The following DDHD1 variants were observed in gnomAD, a reference collection of about 807,000 sequenced individuals.
DDHD1 encodes DDHD domain containing 1, also known as phospholipase DDHD1.
DDHD1 carries 49 observed loss-of-function variants against 96.4 expected under a neutral mutation model. The observed-to-expected ratio is 0.51, with a 90% CI of 0.40 to 0.64. The LOEUF (loss-of-function observed/expected upper bound fraction) is 0.64, where lower values mean the gene tolerates loss of function less well. Ranked by LOEUF, DDHD1 falls within the 30% of genes least tolerant of loss-of-function variation. The pLI, the probability that DDHD1 is intolerant of heterozygous loss-of-function variation, is 0.00. For synonymous variants in DDHD1, 442 were observed against 446.5 expected, an observed-to-expected ratio of 0.99 and a Z score of 0.13; for missense variants, 1,106 against 1,161.2, an observed-to-expected ratio of 0.95 and a Z score of 0.69.
intron 7 of DDHD1, 106 bp from the exon 8 acceptor site, chr14:53,061,307 T>C: frequency 1.2e-6 from 1 of 803,326 alleles, no homozygotes; most frequent in Non-Finnish European, 1.9e-6. Flanking sequence ...TGGCCCACTA[T>C]CCCTCACATT....
chr14:53,097,713 GA>G (rs1338285108), intron 2 of DDHD1, among the ~76,000 whole-genome samples: 1 of 151,862 alleles, frequency 6.6e-6, no homozygotes, highest in Non-Finnish European at 1.5e-5. Context: ...AACGAAATGG[GA>G]AATGTATGGA....
At chr14:53,136,724 T>C (rs966257342) in intron 1 of DDHD1, among the ~76,000 whole-genome samples, 1 of 152,178 alleles carries the variant, frequency 6.6e-6, no homozygotes, top group Non-Finnish European at 1.5e-5. Flanking sequence ...AGGTAATGCC[T>C]CAGTAGTGGA....
Position 53,040,592 on chromosome 14 carries a change from G to C in DDHD1, c.*6176C>G. 6.6e-6 allele frequency: 1 copy of C among 152,164 alleles called. No individual in the cohort carries two copies. Among genetic ancestry groups the C allele is most frequent in the East Asian group, 1.9e-4 (1 of 5,176 alleles). 9.4% of individuals were successfully genotyped at this position (152,164 alleles called of 1,614,324 possible). On this transcript the variant is annotated 3_prime_UTR_variant, in exon 13 of 13. Coordinates refer to ENST00000673822, the MANE Select transcript of DDHD1 (RefSeq NM_001160148.2). ...GAAATTATTAAATGTGCATGCACCA[G>C]TTCCAGCTGAGAAAATCAGAACTGG...
At chr14:53,096,012 T>A in intron 2 of DDHD1, 2 of 443,344 alleles carry the variant, frequency 4.5e-6, no homozygotes, top group Non-Finnish European at 6.0e-6. Context: ...ACTAATACAA[T>A]GGACACATTT....
Position 53,047,045 on chromosome 14 carries a change from A to T in DDHD1, c.2522-96T>A, listed in dbSNP as rs998946938. ...GTTGAGAGTAAAAATTTAGCTAAATAGAAGTGATTCTGTCACTTTTTTAAG... is the reference window on the plus strand; with the variant it reads ...GTTGAGAGTAAAAATTTAGCTAAATTGAAGTGATTCTGTCACTTTTTTAAG... On this transcript the variant is annotated intron_variant, in intron 12 of 12. Coordinates refer to ENST00000673822, the MANE Select transcript of DDHD1 (RefSeq NM_001160148.2). 19 of 953,030 alleles carry T rather than the reference A, an allele frequency of 2.0e-5. 1 individual carries two copies. In the Admixed American group the frequency reaches 6.8e-4, roughly 34 times the overall value. The allele number at this position is 953,030 out of a possible 1,614,324, so 59.0% of individuals were successfully genotyped here. A position where few individuals can be genotyped will look rare whatever the true frequency, so the allele number is the denominator to read the frequency against.
chr14:53,095,791 A>G lies in DDHD1; in HGVS notation c.1013-2347T>C, dbSNP rs146836411. 5.7e-4 allele frequency among the ~76,000 whole-genome samples: 87 copies of G among 152,292 alleles called. 1 individual carries two copies. The highest frequency in any genetic ancestry group is 1.9e-3 in the African/African-American group (80 of 41,596). On this transcript the variant is annotated intron_variant, in intron 2 of 12. Transcript: ENST00000673822. ...GTTTCTAAACCACATTTTTGTTAAA[A>G]TAGTTGTGAGCAACAGATGCTTAAA...
At chr14:53,082,035 C>T (rs1188830492) in intron 4 of DDHD1, among the ~76,000 whole-genome samples, 1 of 152,086 alleles carries the variant, frequency 6.6e-6, no homozygotes, top group East Asian at 1.9e-4. Context: ...TCTTAAATAT[C>T]TCATAAGAAC....
At chr14:53,148,498 AGACAGG>A (rs1202164988) in intron 1 of DDHD1, among the ~76,000 whole-genome samples, 84 of 152,156 alleles carry the variant, frequency 5.5e-4, no homozygotes, top group African/African-American at 2.0e-3. Context: ...CTTTTAGGAG[AGACAGG>A]GTTTCACCAT....
In DDHD1 at chr14:53,097,237, A is replaced by G. The variant is rs1056449485; in HGVS notation, c.1013-3793T>C. ...TACAAAAATATTTAATTCCTGTTTT[A>G]TAATACTAGAAATGTAACAAATCTG... On this transcript the variant is annotated intron_variant, in intron 2 of 12. Coordinates refer to ENST00000673822, the MANE Select transcript of DDHD1 (RefSeq NM_001160148.2). Among the ~76,000 whole-genome samples, 6 of 152,032 alleles carry G rather than the reference A, an allele frequency of 3.9e-5. No homozygotes were observed. In the South Asian group the frequency reaches 1.0e-3, roughly 26 times the overall value.
intron 12 of DDHD1, among the ~76,000 whole-genome samples, chr14:53,049,777 G>T (rs181871721): frequency 1.4e-4 from 21 of 151,962 alleles, no homozygotes; most frequent in African/African-American, 5.1e-4. Flanking sequence ...AACAGTTGAA[G>T]AGAAGTAAAA....
intron 1 of DDHD1, among the ~76,000 whole-genome samples, chr14:53,117,873 T>A (rs1888673104): frequency 6.6e-6 from 1 of 152,156 alleles, no homozygotes; most frequent in Non-Finnish European, 1.5e-5. Context: ...CTGACCCCTG[T>A]GTTGCCTGAC....
At chr14:53,071,699 C>T (rs192887219) in intron 6 of DDHD1, among the ~76,000 whole-genome samples, 3 of 152,162 alleles carry the variant, frequency 2.0e-5, no homozygotes, top group African/African-American at 7.2e-5. Context: ...TGTCTCCCTG[C>T]TAATGAAGGG....
In DDHD1 at chr14:53,054,511, A is replaced by G; in HGVS notation, c.2364T>C (p.Val788=). 1 of 1,614,142 alleles carries G rather than the reference A, an allele frequency of 6.2e-7. No individual in the cohort carries two copies. The highest frequency in any genetic ancestry group is 8.5e-7 in the Non-Finnish European group (1 of 1,179,988). Residue 788 remains valine, a synonymous_variant, in exon 11 of 13, where the codon GTT becomes GTC. Transcript: ENST00000673822. The part of the protein sequence containing the change: ...KDSMEDEKKP[V]ASPSATTVGT... ...CTACGGTGGTAGCAGAAGGTGAGGC[A>G]ACTGGCTTCTTCTCATCTTCCATTG...
intron 1 of DDHD1, among the ~76,000 whole-genome samples, chr14:53,138,422 C>CT (rs1890395807): frequency 6.6e-6 from 1 of 152,074 alleles, no homozygotes; most frequent in Non-Finnish European, 1.5e-5. Context: ...GAGCGAGACT[C>CT]TGTCTCAAAA....
intron 1 of DDHD1, among the ~76,000 whole-genome samples, chr14:53,127,962 G>A (rs537965461): frequency 6.6e-6 from 1 of 152,318 alleles, no homozygotes; most frequent in East Asian, 1.9e-4. Context: ...TTCACGTGTT[G>A]GGGGAGGAAC....
At chr14:53,056,210 A>T (rs1883042650) in intron 9 of DDHD1, among the ~76,000 whole-genome samples, 1 of 152,132 alleles carries the variant, frequency 6.6e-6, no homozygotes, top group South Asian at 2.1e-4. Context: ...CTTAGGAGCA[A>T]AGTTGAAGTA....
rs1165206977 is a variant in DDHD1, at chr14:53,055,735, G to C, written c.2170C>G (p.Pro724Ala). The change falls in exon 10 of 13, where the codon CCT becomes GCT. Residue 724 changes from proline (P) to alanine (A), a missense_variant. By Grantham distance (27) the Pro-to-Ala change is conservative. Coordinates refer to ENST00000673822, the MANE Select transcript of DDHD1 (RefSeq NM_001160148.2). ...ENEGISTIPS[P>A]VTSPVLSRRH... The stretch of plus-strand genomic sequence containing the variant: ...CGGGACAAAACTGGTGAGGTCACAG[G>C]GCTTGGTATGGTTGAAATGCCTTCA... The C allele has an allele frequency of 1.2e-6, 2 of 1,614,048 alleles. No homozygotes were observed. Among genetic ancestry groups the C allele is most frequent in the South Asian group, 2.2e-5 (2 of 91,068 alleles).
chr14:53,051,953 G>A (rs1287219458), intron 11 of DDHD1, 26 bp from the exon 12 acceptor site: 3 of 1,536,844 alleles, frequency 2.0e-6, no homozygotes, highest in Non-Finnish European at 2.7e-6. Flanking sequence ...ACAAGATGCT[G>A]TAAAGGGTTG....
At chr14:53,085,041 A>G (rs941689548) in intron 4 of DDHD1, among the ~76,000 whole-genome samples, 2 of 152,236 alleles carry the variant, frequency 1.3e-5, no homozygotes, top group Non-Finnish European at 2.9e-5. Context: ...GTATGAGATC[A>G]AACTGCTAGG....
Sources: allele counts gnomAD v4.1 joint callset (sites outside exome capture counted in the v4.1 genomes callset), GRCh38; gene constraint gnomAD v4.1.1; transcripts MANE v1.5; gene names NCBI Gene and HGNC (gene_info 2026-07-23, HGNC 2026-07-21).